LRRC4C: variants seen among roughly 807,000 people sequenced by gnomAD.
The protein encoded by LRRC4C is leucine rich repeat containing 4C.
Under a neutral mutation model 33.6 loss-of-function variants are expected in LRRC4C, and 5 were observed. The observed-to-expected ratio is 0.15, with a 90% confidence interval of 0.08 to 0.31. The LOEUF (loss-of-function observed/expected upper bound fraction) is 0.31. Among genes scored for constraint, LRRC4C ranks in the 10% least tolerant of loss-of-function variants. LRRC4C has a pLI of 1.00. For synonymous variants in LRRC4C, 329 were observed against 302.0 expected (o/e 1.09, Z -0.93); for missense variants, 560 against 796.7 (o/e 0.70, Z 3.58).
At chr11:41,161,660 G>T (rs1462414230) in intron 1 of LRRC4C, among the ~76,000 whole-genome samples, 2 of 152,102 alleles carry the variant, frequency 1.3e-5, no homozygotes, top group African/African-American at 4.8e-5. Context: ...ACTGATTTTT[G>T]CATTGCATTG....
chr11:40,577,832 C>CT (rs56061263), intron 3 of LRRC4C, among the ~76,000 whole-genome samples: 6,094 of 119,236 alleles, frequency 0.051, 252 homozygotes, highest in Middle Eastern at 0.069. Context: ...TTTCTTTTTT[C>CT]TTTTTTTTTT....
intron 1 of LRRC4C, among the ~76,000 whole-genome samples, chr11:41,113,601 T>C (rs1941960902): frequency 6.6e-6 from 1 of 152,082 alleles, no homozygotes; most frequent in Admixed American, 6.6e-5. Context: ...AATAAAATCT[T>C]GTCCAGCAGA....
At chr11:41,260,685 T>C (rs943565250) in intron 1 of LRRC4C, among the ~76,000 whole-genome samples, 1 of 151,826 alleles carries the variant, frequency 6.6e-6, no homozygotes, top group Middle Eastern at 3.2e-3. Flanking sequence ...AAAAAGATAA[T>C]GGGGAATAAC....
At chr11:40,362,599 A>G (rs963638873) in intron 3 of LRRC4C, among the ~76,000 whole-genome samples, 1 of 152,148 alleles carries the variant, frequency 6.6e-6, no homozygotes, top group African/African-American at 2.4e-5. Flanking sequence ...GCACGACTGT[A>G]GTTCCAGCTA....
At position 40,659,693 on chromosome 11, in the gene LRRC4C, C is replaced by G. The variant is rs928986854; in HGVS notation, c.-406-11415G>C. On this transcript the variant is annotated intron_variant, in intron 2 of 6. Coordinates refer to ENST00000528697, the MANE Select transcript of LRRC4C (RefSeq NM_001258419.2). ...ACCCACAGAGTTACCCACTACAGCT[C>G]TCCTCTCCATTTAGAGCTGGACATT... Among the ~76,000 whole-genome samples, 13 of 152,156 alleles carry G rather than the reference C, an allele frequency of 8.5e-5. 1 individual carries two copies. The highest frequency in any genetic ancestry group is 1.3e-4 in the Non-Finnish European group (9 of 68,024).
chr11:41,108,262 C>T (rs140191861), intron 1 of LRRC4C, among the ~76,000 whole-genome samples: 75 of 152,170 alleles, frequency 4.9e-4, no homozygotes, highest in South Asian at 8.3e-4. Context: ...GATGTCCACA[C>T]GCCCATTTTC....
At chr11:41,273,098 A>C (rs1393463682) in intron 1 of LRRC4C, among the ~76,000 whole-genome samples, 1 of 152,182 alleles carries the variant, frequency 6.6e-6, no homozygotes, top group Non-Finnish European at 1.5e-5. Context: ...TAGAAAATGC[A>C]ATGCCAGACA....
intron 1 of LRRC4C, among the ~76,000 whole-genome samples, chr11:41,402,069 G>T (rs12295644): frequency 6.6e-6 from 1 of 151,846 alleles, no homozygotes; most frequent in Non-Finnish European, 1.5e-5. Context: ...GTCCTGAAAA[G>T]TCTAGTGGGA....
intron 1 of LRRC4C, among the ~76,000 whole-genome samples, chr11:41,096,865 A>G (rs1206798084): frequency 6.6e-6 from 1 of 152,076 alleles, no homozygotes; most frequent in Admixed American, 6.6e-5. Flanking sequence ...GGACTGTTGT[A>G]CTCCCACTAG....
At chr11:40,596,747 T>A (rs1219524892) in intron 3 of LRRC4C, among the ~76,000 whole-genome samples, 1 of 152,194 alleles carries the variant, frequency 6.6e-6, no homozygotes, top group Non-Finnish European at 1.5e-5. Context: ...TCACTTGACA[T>A]AATGTCCTCC....
rs998681719 is a variant in LRRC4C at position 41,344,654 on chromosome 11, A to G, written c.-496+114777T>C. On this transcript the variant is annotated intron_variant, in intron 1 of 6. Transcript: ENST00000528697. ...ATCTGCTTTATGCAAGGGATAGCCC[A>G]TAGCACACACATGGACAAGATTATT... is the stretch of plus-strand genomic sequence containing the variant. Among the ~76,000 whole-genome samples, 38 of 152,376 alleles carry G rather than the reference A, an allele frequency of 2.5e-4. 1 individual carries two copies. Among genetic ancestry groups the G allele is most frequent in the Non-Finnish European group, 1.6e-4 (11 of 68,046 alleles).
intron 1 of LRRC4C, among the ~76,000 whole-genome samples, chr11:41,342,263 G>T (rs1431890758): frequency 6.6e-6 from 1 of 152,138 alleles, no homozygotes; most frequent in African/African-American, 2.4e-5. Context: ...ATGCTATTAG[G>T]TCATTAATCA....
At chr11:41,033,183 G>A (rs1348467821) in intron 1 of LRRC4C, among the ~76,000 whole-genome samples, 2 of 151,490 alleles carry the variant, frequency 1.3e-5, no homozygotes, top group African/African-American at 4.8e-5. Flanking sequence ...GAATATTGAG[G>A]AAAAAAAATC....
At chr11:40,206,240 T>A (rs1043063723) in intron 5 of LRRC4C, among the ~76,000 whole-genome samples, 1 of 151,994 alleles carries the variant, frequency 6.6e-6, no homozygotes, top group African/African-American at 2.4e-5. Flanking sequence ...TCCATTTTTC[T>A]TTTTTTTCTT....
intron 3 of LRRC4C, among the ~76,000 whole-genome samples, chr11:40,327,559 A>G (rs765761508): frequency 1.3e-5 from 2 of 152,194 alleles, no homozygotes; most frequent in Non-Finnish European, 2.9e-5. Context: ...ATTTGAGTTC[A>G]GTGTATGAAT....
intron 1 of LRRC4C, among the ~76,000 whole-genome samples, chr11:41,030,547 C>G (rs1856660623): frequency 2.0e-5 from 3 of 151,750 alleles, no homozygotes; most frequent in Admixed American, 2.0e-4. Context: ...ATAGAACATG[C>G]TAAAGTGACA....
intron 1 of LRRC4C, among the ~76,000 whole-genome samples, chr11:41,258,124 G>A (rs1000918466): frequency 2.0e-5 from 3 of 151,972 alleles, no homozygotes; most frequent in Admixed American, 6.6e-5. Flanking sequence ...AACACATGGT[G>A]CTGAAATATA....
chr11:40,659,147 C>A (rs1308751780), intron 2 of LRRC4C, among the ~76,000 whole-genome samples: 2 of 152,174 alleles, frequency 1.3e-5, no homozygotes, highest in African/African-American at 4.8e-5. Flanking sequence ...TTCCTGGCAC[C>A]CACTCCAGTG....
At chr11:40,858,098 T>C (rs1311797556) in intron 2 of LRRC4C, among the ~76,000 whole-genome samples, 1 of 151,972 alleles carries the variant, frequency 6.6e-6, no homozygotes, top group Non-Finnish European at 1.5e-5. Flanking sequence ...TACTGCCCAA[T>C]AAATTAAATT....
Sources: gnomAD v4.1 joint callset for allele counts (sites outside exome capture counted in the v4.1 genomes callset) on GRCh38, gnomAD v4.1.1 for gene constraint, MANE v1.5 for transcripts, NCBI Gene and HGNC (gene_info 2026-07-23, HGNC 2026-07-21) for gene names.